Variants in PTPRD observed in about 807,000 individuals in gnomAD.
PTPRD encodes the protein protein tyrosine phosphatase receptor type D.
In PTPRD, 34 loss-of-function variants were observed where a neutral mutation model predicts 214.5. The observed-to-expected ratio is 0.16, with a 90% CI of 0.12 to 0.21. The LOEUF is 0.21. Among genes scored for constraint, PTPRD ranks in the 10% least tolerant of loss-of-function variants. The pLI is 1.00. For missense variants in PTPRD, 2,545 were observed against 2,398.7 expected (o/e 1.06, Z -1.27); for synonymous variants, 1,128 against 845.7 (o/e 1.33, Z -5.79).
At chr9:8,511,403 T>G (rs1039911408) in intron 21 of PTPRD, among the ~76,000 whole-genome samples, 4 of 152,032 alleles carry the variant, frequency 2.6e-5, no homozygotes, top group African/African-American at 9.7e-5. Flanking sequence ...GCTCTTGTAA[T>G]CACTACACAT....
Position 8,929,845 on chromosome 9 carries a change from G to GTATATA in PTPRD, c.-104+88851_-104+88852insTATATA, listed in dbSNP as rs1567063436. ...TGTATATATATGTGTATATATATGTGTGTATATATATGTGTATATACATGT... is the reference window on the plus strand; with the variant it reads ...TGTATATATATGTGTATATATATGTGTATATATGTATATATATGTGTATATACATGT... On this transcript the variant is annotated intron_variant, in intron 11 of 45. Transcript: ENST00000381196. 2.4e-3 allele frequency among the ~76,000 whole-genome samples: 304 copies of GTATATA among 127,976 alleles called. 22 individuals are homozygous for GTATATA. The highest frequency in any genetic ancestry group is 9.4e-3 in the African/African-American group (272 of 28,818). 84.0% of individuals were successfully genotyped at this position (127,976 alleles called of 152,430 possible).
chr9:10,551,065 G>A (rs2061245529), intron 2 of PTPRD, among the ~76,000 whole-genome samples: 1 of 152,182 alleles, frequency 6.6e-6, no homozygotes, highest in Non-Finnish European at 1.5e-5. Flanking sequence ...TGAGTGCAGT[G>A]GCTCATGCCT....
chr9:9,206,788 C>T (rs2132562344), intron 9 of PTPRD, among the ~76,000 whole-genome samples: 1 of 152,306 alleles, frequency 6.6e-6, no homozygotes, highest in East Asian at 1.9e-4. Context: ...CCTTGGGCCA[C>T]AGACTGAAGG....
chr9:8,995,268 C>G (rs1014157699), intron 11 of PTPRD, among the ~76,000 whole-genome samples: 1 of 151,880 alleles, frequency 6.6e-6, no homozygotes, highest in Non-Finnish European at 1.5e-5. Context: ...TGGCATTATG[C>G]TATGTTTAAA....
intron 11 of PTPRD, among the ~76,000 whole-genome samples, chr9:8,795,210 G>A (rs1339828384): frequency 6.6e-6 from 1 of 151,946 alleles, no homozygotes; most frequent in South Asian, 2.1e-4. Flanking sequence ...TGTCACCCAG[G>A]CTGGAGTGCA....
chr9:9,252,698 C>G (rs1233326791), intron 9 of PTPRD, among the ~76,000 whole-genome samples: 5 of 151,982 alleles, frequency 3.3e-5, no homozygotes, highest in Non-Finnish European at 7.4e-5. Flanking sequence ...CCAGGCTGGT[C>G]TTGAACTCCT....
chr9:10,469,819 C>T (rs1286836100), intron 2 of PTPRD, among the ~76,000 whole-genome samples: 1 of 151,922 alleles, frequency 6.6e-6, no homozygotes, highest in Non-Finnish European at 1.5e-5. Context: ...GAATATTATT[C>T]AGCCATAGAA....
intron 10 of PTPRD, among the ~76,000 whole-genome samples, chr9:9,142,662 G>C (rs2099862383): frequency 6.6e-6 from 1 of 152,166 alleles, no homozygotes. Flanking sequence ...AAAAGGAACT[G>C]CTACATTTAT....
intron 35 of PTPRD, among the ~76,000 whole-genome samples, chr9:8,413,928 TTGA>T (rs1409330457): frequency 1.3e-5 from 2 of 152,140 alleles, no homozygotes; most frequent in Non-Finnish European, 2.9e-5. Context: ...AATCAGTACA[TTGA>T]TGATCTTATG....
At chr9:9,821,540 G>A (rs947462631) in intron 5 of PTPRD, among the ~76,000 whole-genome samples, 1 of 152,122 alleles carries the variant, frequency 6.6e-6, no homozygotes, top group Non-Finnish European at 1.5e-5. Flanking sequence ...AGGCTGAAGA[G>A]AAAATATATA....
chr9:10,127,185 A>T (rs2098826365), intron 3 of PTPRD, among the ~76,000 whole-genome samples: 1 of 151,998 alleles, frequency 6.6e-6, no homozygotes, highest in African/African-American at 2.4e-5. Context: ...CTTCTAGCAA[A>T]GCACTGAACT....
intron 2 of PTPRD, among the ~76,000 whole-genome samples, chr9:10,584,290 A>T (rs1384231505): frequency 6.6e-6 from 1 of 152,184 alleles, no homozygotes; most frequent in Non-Finnish European, 1.5e-5. Flanking sequence ...CTATCCCAAC[A>T]TGGATCTATC....
intron 7 of PTPRD, among the ~76,000 whole-genome samples, chr9:9,616,653 A>G (rs937677380): frequency 6.6e-6 from 1 of 152,136 alleles, no homozygotes; most frequent in East Asian, 1.9e-4. Context: ...ACACGGCTAT[A>G]TGAAAAAGTT....
intron 22 of PTPRD, among the ~76,000 whole-genome samples, chr9:8,505,414 A>G (rs1466625885): frequency 6.6e-6 from 1 of 152,128 alleles, no homozygotes; most frequent in African/African-American, 2.4e-5. Context: ...TGAGGTCAGG[A>G]GATCGAGACC....
chr9:10,245,605 C>T (rs542067402), intron 3 of PTPRD, among the ~76,000 whole-genome samples: 4 of 152,066 alleles, frequency 2.6e-5, no homozygotes, highest in Non-Finnish European at 5.9e-5. Flanking sequence ...TGACTTGCTT[C>T]TTGTGTGTTG....
chr9:9,947,382 A>T (rs1243099490), intron 4 of PTPRD, among the ~76,000 whole-genome samples: 2 of 59,270 alleles, frequency 3.4e-5, no homozygotes, highest in South Asian at 3.9e-4. Flanking sequence ...TATTATATAT[A>T]TTTTATATAC....
chr9:9,217,170 C>T (rs895522444), intron 9 of PTPRD, among the ~76,000 whole-genome samples: 5 of 151,998 alleles, frequency 3.3e-5, no homozygotes, highest in Admixed American at 1.3e-4. Context: ...CACTTGTTCC[C>T]TTTGCAACTC....
chr9:8,996,365 C>G (rs528968000), intron 11 of PTPRD, among the ~76,000 whole-genome samples: 1 of 151,934 alleles, frequency 6.6e-6, no homozygotes, highest in Non-Finnish European at 1.5e-5. Context: ...TGAAAGCAGC[C>G]AGAGTCAAGG....
intron 31 of PTPRD, among the ~76,000 whole-genome samples, chr9:8,467,340 G>C (rs1565041777): frequency 6.6e-6 from 1 of 151,742 alleles, no homozygotes; most frequent in South Asian, 2.1e-4. Flanking sequence ...TAATCTTGTT[G>C]TCAAATTTAG....
Sources: gnomAD v4.1 joint callset for allele counts (sites outside exome capture counted in the v4.1 genomes callset) on GRCh38, gnomAD v4.1.1 for gene constraint, MANE v1.5 for transcripts, NCBI Gene and HGNC (gene_info 2026-07-23, HGNC 2026-07-21) for gene names.